TCF20: variants seen among roughly 807,000 people sequenced by gnomAD.
TCF20 encodes the protein transcription factor 20.
Under a neutral mutation model 148.6 loss-of-function variants are expected in TCF20, and 3 were observed. The observed-to-expected ratio is 0.02, with a 90% CI of 0.01 to 0.05. The LOEUF (loss-of-function observed/expected upper bound fraction) is 0.05. Ranked by LOEUF, TCF20 falls within the 10% of genes least tolerant of loss-of-function variation. The pLI is 1.00. For synonymous variants in TCF20, 1,049 were observed against 909.5 expected, an observed-to-expected ratio of 1.15 and a Z score of -2.76; for missense variants, 2,350 against 2,429.3, an observed-to-expected ratio of 0.97 and a Z score of 0.69.
intron 1 of TCF20, among the ~76,000 whole-genome samples, chr22:42,332,268 C>T (rs1413490808): frequency 1.3e-5 from 2 of 152,110 alleles, no homozygotes; most frequent in African/African-American, 4.8e-5. Flanking sequence ...CTTGGGAGGT[C>T]GGAACAGCAA....
At chr22:42,332,126 CATAACAG>C (rs1569211650) in intron 1 of TCF20, among the ~76,000 whole-genome samples, 1 of 152,206 alleles carries the variant, frequency 6.6e-6, no homozygotes, top group Non-Finnish European at 1.5e-5. Flanking sequence ...CGAGCAGATG[CATAACAG>C]ATAACTATTA....
intron 1 of TCF20, among the ~76,000 whole-genome samples, chr22:42,226,780 C>G (rs1000892641): frequency 6.6e-6 from 1 of 152,038 alleles, no homozygotes; most frequent in Non-Finnish European, 1.5e-5. Context: ...AATGACCAAT[C>G]CAAAGCAGAA....
chr22:42,211,481 G>C lies in TCF20; in HGVS notation c.3825C>G (p.Asn1275Lys). 1.2e-6 allele frequency: 2 copies of C among 1,614,158 alleles called. No individual in the cohort carries two copies. The highest frequency in any genetic ancestry group is 1.7e-6 in the Non-Finnish European group (2 of 1,180,036). Residue 1275 changes from asparagine to lysine, a missense_variant, in exon 2 of 6, where the codon AAC becomes AAG. Asn to Lys is a moderately conservative substitution (Grantham distance 94). This residue lies in a region of TCF20 where 1,641 missense variants were observed against 1,662.6 expected (regional missense o/e 0.99). Transcript: ENST00000677622. The part of the protein sequence containing the change: ...PSKRQSQDVK[N>K]SSTEDKGRLL... ...GGCGACCTTTATCTTCAGTGCTACT[G>C]TTCTTTACATCTTGTGACTGTCTCT...
intron 1 of TCF20, among the ~76,000 whole-genome samples, chr22:42,215,744 T>G (rs1335583481): frequency 2.6e-5 from 4 of 152,140 alleles, no homozygotes; most frequent in African/African-American, 9.7e-5. Flanking sequence ...GTGCTGGAAT[T>G]ACAGGCATGA....
At position 42,211,264 on chromosome 22, in the gene TCF20, G is replaced by A. The variant is rs1170735028; in HGVS notation, c.4042C>T (p.Arg1348Trp). The change falls in exon 2 of 6, where the codon CGG (arginine) becomes TGG (tryptophan). Residue 1348 changes from arginine (R) to tryptophan (W), a missense_variant. This residue lies in a region of TCF20 where 3 missense variants were observed against 16.0 expected (regional missense o/e 0.19). Transcript: ENST00000677622. ...KTKILPPRKG[R>W]GLKLEAIVQK... ...ACTATAGCTTCCAATTTCAATCCCCGTCCTTTCCGTGGGGGCAGTATTTTG... is the reference window on the plus strand; with the variant it reads ...ACTATAGCTTCCAATTTCAATCCCCATCCTTTCCGTGGGGGCAGTATTTTG... 3 of 1,614,096 alleles carry A rather than the reference G, an allele frequency of 1.9e-6. No homozygotes were observed. The highest frequency in any genetic ancestry group is 1.1e-5 in the South Asian group (1 of 91,080).
rs996727397 is a variant in TCF20 at position 42,212,899 on chromosome 22, G to A, written c.2407C>T (p.Leu803Phe). 4.3e-6 allele frequency: 7 copies of A among 1,614,062 alleles called. No homozygotes were observed. The highest frequency in any genetic ancestry group is 2.7e-5 in the African/African-American group (2 of 74,922). Reference protein sequence around the residue: ...SQTNELASRGLLNKSIGSLLE... With the variant: ...SQTNELASRGFLNKSIGSLLE... ...AGAGACCCAATGCTTTTGTTCAGAAGGCCCCTGCTAGCTAATTCATTGGTT... is the reference window on the plus strand; with the variant it reads ...AGAGACCCAATGCTTTTGTTCAGAAAGCCCCTGCTAGCTAATTCATTGGTT... The change falls in exon 2 of 6, where the codon CTT becomes TTT. Residue 803 changes from leucine (L) to phenylalanine (F), a missense_variant. Transcript: ENST00000677622.
intron 1 of TCF20, among the ~76,000 whole-genome samples, chr22:42,221,823 C>G (rs888829191): frequency 3.5e-5 from 5 of 144,598 alleles, no homozygotes; most frequent in Admixed American, 7.2e-5. Flanking sequence ...ACTGCAAGCT[C>G]CGCCTCCCGG....
intron 1 of TCF20, among the ~76,000 whole-genome samples, chr22:42,242,227 A>AAAAAAAAAGAAAT (rs1491280192): frequency 8.1e-6 from 1 of 122,704 alleles, no homozygotes; most frequent in African/African-American, 3.2e-5. Flanking sequence ...AAAAAAAAAA[A>AAAAAAAAAGAAAT]CAGAAAAGAA....
At chr22:42,171,216 G>A (rs1936115712) in intron 3 of TCF20, among the ~76,000 whole-genome samples, 1 of 152,188 alleles carries the variant, frequency 6.6e-6, no homozygotes, top group Admixed American at 6.5e-5. Flanking sequence ...CCGACAGCCA[G>A]GTCACTGGTG....
At chr22:42,277,553 C>T (rs1926807171) in intron 1 of TCF20, among the ~76,000 whole-genome samples, 1 of 152,120 alleles carries the variant, frequency 6.6e-6, no homozygotes, top group Non-Finnish European at 1.5e-5. Flanking sequence ...TGGGCAAAGG[C>T]CCTGCGGTAG....
chr22:42,267,832 T>C (rs1926372337), intron 1 of TCF20, among the ~76,000 whole-genome samples: 1 of 152,170 alleles, frequency 6.6e-6, no homozygotes, highest in South Asian at 2.1e-4. Context: ...TTTTGGAAAC[T>C]GTTCAAAGAG....
At chr22:42,223,961 C>A (rs1922612804) in intron 1 of TCF20, among the ~76,000 whole-genome samples, 1 of 152,154 alleles carries the variant, frequency 6.6e-6, no homozygotes. Flanking sequence ...CTGGCTTCCT[C>A]CCTGACTTGG....
intron 1 of TCF20, among the ~76,000 whole-genome samples, chr22:42,257,832 A>C (rs1414162071): frequency 3.9e-5 from 6 of 152,246 alleles, no homozygotes; most frequent in Admixed American, 3.9e-4. Flanking sequence ...GGGGGAGCCC[A>C]GCACGGAAGA....
At chr22:42,230,024 C>T (rs1013064519) in intron 1 of TCF20, among the ~76,000 whole-genome samples, 1 of 152,202 alleles carries the variant, frequency 6.6e-6, no homozygotes, top group African/African-American at 2.4e-5. Flanking sequence ...ATTTCAGCAT[C>T]TTACTGAAAA....
chr22:42,214,411 T>G lies in TCF20; in HGVS notation c.895A>C (p.Asn299His). 6.2e-7 allele frequency: 1 copy of G among 1,614,048 alleles called. No homozygotes were observed. Among genetic ancestry groups the G allele is most frequent in the South Asian group, 1.1e-5 (1 of 91,082 alleles). The change falls in exon 2 of 6, where the codon AAT becomes CAT. Residue 299 changes from asparagine (N) to histidine (H), a missense_variant. Physicochemically the swap from Asn to His is moderately conservative, Grantham distance 68 (BLOSUM62 1). This residue lies in a region of TCF20 where 1,641 missense variants were observed against 1,662.6 expected (regional missense o/e 0.99). Transcript: ENST00000677622. ...TGTGGAATCTTTGCCTGTTCAAAAT[T>G]CTTCATAGATTGAGGCTGATAGCTG... is the stretch of plus-strand genomic sequence containing the variant. ...NYSYQPQSMKNFEQAKIPQGT... is the reference protein window; with the variant it reads ...NYSYQPQSMKHFEQAKIPQGT...
intron 2 of TCF20, among the ~76,000 whole-genome samples, chr22:42,206,405 C>G (rs538048266): frequency 3.2e-4 from 48 of 152,118 alleles, no homozygotes; most frequent in African/African-American, 1.1e-3. Context: ...GAGATTCTGT[C>G]TCAAAAAACA....
At chr22:42,196,187 T>C (rs1335351859) in intron 2 of TCF20, among the ~76,000 whole-genome samples, 2 of 152,188 alleles carry the variant, frequency 1.3e-5, no homozygotes, top group East Asian at 3.8e-4. Context: ...CCTGCCACTA[T>C]TGGAGTGACT....
Position 42,290,036 on chromosome 22 carries a change from A to T in TCF20, c.-37+53443T>A, listed in dbSNP as rs2147025139. Among the ~76,000 whole-genome samples the T allele has an allele frequency of 6.6e-6, 1 of 152,320 alleles. No homozygotes were observed. Among genetic ancestry groups the T allele is most frequent in the African/African-American group, 2.4e-5 (1 of 41,558 alleles). ...GCCGGGGCGATGTTCCAGGAATATTAATTCTCCACAGCCGGCTCACTCCCG... is the reference window on the plus strand; with the variant it reads ...GCCGGGGCGATGTTCCAGGAATATTTATTCTCCACAGCCGGCTCACTCCCG... On this transcript the variant is annotated intron_variant, in intron 1 of 1. Transcript: ENST00000515426. The surrounding 1 kb of genome is among the most constrained non-coding windows in gnomAD (Gnocchi z 4.2).
At chr22:42,197,753 G>A (rs2147150822) in intron 2 of TCF20, among the ~76,000 whole-genome samples, 1 of 152,218 alleles carries the variant, frequency 6.6e-6, no homozygotes, top group East Asian at 1.9e-4. Flanking sequence ...AAAACAAATT[G>A]AGAATAATAA....
Sources: gnomAD v4.1 joint callset for allele counts (sites outside exome capture counted in the v4.1 genomes callset) on GRCh38, gnomAD v4.1.1 for gene constraint, gnomAD v4.1.1 regional missense constraint, Gnocchi (gnomAD v3.1) non-coding constraint, MANE v1.5 for transcripts, NCBI Gene and HGNC (gene_info 2026-07-23, HGNC 2026-07-21) for gene names.